Variants in ABHD12B observed in about 807,000 individuals in gnomAD.
ABHD12B encodes the protein protein ABHD12B.
In ABHD12B, 42 loss-of-function variants were observed where a neutral mutation model predicts 50.4. That is an observed-to-expected ratio of 0.83 (90% confidence interval 0.65 to 1.08). The LOEUF is 1.08. Among genes scored for constraint, ABHD12B ranks in the 50% least tolerant of loss-of-function variants. The pLI is 0.00. For synonymous variants in ABHD12B, 167 were observed against 160.3 expected (o/e 1.04, Z -0.32); for missense variants, 479 against 447.7 (o/e 1.07, Z -0.63).
chr14:50,874,486 G>A (rs1327633006), intron 1 of ABHD12B, among the ~76,000 whole-genome samples: 1 of 152,104 alleles, frequency 6.6e-6, no homozygotes, highest in African/African-American at 2.4e-5. Flanking sequence ...CGTAGTCCCA[G>A]CTACTCCGGA....
chr14:50,904,106 CAA>C lies in ABHD12B; in HGVS notation c.977_978del (p.Lys326ArgfsTer19). 6.2e-7 allele frequency: 1 copy of C among 1,614,090 alleles called. No individual in the cohort carries two copies. Reference protein sequence around the residue: ...YEIARNAYRNKERVKMVIFPP... With the variant: ...YEIARNAYRNXERVKMVIFPP... ...AAATTGCACGCAATGCATACAGGAA[CAA>C]AGAGAGGGTCAAGATGGTTATCTTT... On this transcript the variant is annotated frameshift_variant, in exon 12 of 13. Coordinates refer to ENST00000337334, the MANE Select transcript of ABHD12B (RefSeq NM_001206673.2). LOFTEE classifies it high-confidence loss of function.
At chr14:50,874,494 G>A (rs753157931) in intron 1 of ABHD12B, among the ~76,000 whole-genome samples, 5 of 152,106 alleles carry the variant, frequency 3.3e-5, no homozygotes, top group African/African-American at 4.8e-5. Context: ...CAGCTACTCC[G>A]GAGGCTGAGG....
At chr14:50,902,234 G>A (rs891428902) in intron 10 of ABHD12B, among the ~76,000 whole-genome samples, 15 of 152,078 alleles carry the variant, frequency 9.9e-5, no homozygotes, top group African/African-American at 3.6e-4. Context: ...TATAATCCTA[G>A]CACTTTGGGA....
intron 9 of ABHD12B, among the ~76,000 whole-genome samples, chr14:50,896,556 A>G (rs1211257127): frequency 1.1e-4 from 16 of 148,958 alleles, no homozygotes; most frequent in African/African-American, 3.6e-4. Flanking sequence ...CCCCACCTTA[A>G]CTGAGTGATT....
chr14:50,885,888 G>T lies in ABHD12B; in HGVS notation c.655G>T (p.Gly219Cys). The change falls in exon 7 of 13, where the codon GGT becomes TGT. Residue 219 changes from glycine to cysteine, a missense_variant. Transcript: ENST00000337334. ...CGTGTGTCTCTGGGGCCACTCTCTG[G>T]GTACAGGGTAAGTGAGATCTGCAAA... ...TPVCLWGHSL[G>C]TGVATNAAKV... 6.2e-7 allele frequency: 1 copy of T among 1,614,056 alleles called. No homozygotes were observed. The highest frequency in any genetic ancestry group is 8.5e-7 in the Non-Finnish European group (1 of 1,180,012).
At position 50,872,114 on chromosome 14, in the gene ABHD12B, G is replaced by T. The variant is rs1566480452; in HGVS notation, c.-61G>T. 8.6e-7 allele frequency: 1 copy of T among 1,165,836 alleles called. No individual in the cohort carries two copies. The highest frequency in any genetic ancestry group is 4.0e-5 in the South Asian group (1 of 25,312). 72.2% of individuals were successfully genotyped at this position (1,165,836 alleles called of 1,614,324 possible). ...GGTGCCGCCGGGGCGGGAAGGTCGC[G>T]GGCGGCTGCTCCGGACTGCAGCTCC... On this transcript the variant is annotated 5_prime_UTR_variant, in exon 1 of 13. Transcript: ENST00000337334.
At chr14:50,898,435 A>C (rs1343544941) in intron 9 of ABHD12B, among the ~76,000 whole-genome samples, 1 of 152,198 alleles carries the variant, frequency 6.6e-6, no homozygotes, top group African/African-American at 2.4e-5. Context: ...AAGCTTCGTA[A>C]CAGCAGATTT....
At chr14:50,873,243 A>G (rs1370187906) in intron 1 of ABHD12B, among the ~76,000 whole-genome samples, 1 of 151,208 alleles carries the variant, frequency 6.6e-6, no homozygotes, top group Non-Finnish European at 1.5e-5. Flanking sequence ...CTTTTTTGAG[A>G]CAAGGGTTTC....
At chr14:50,900,480 CAGAT>C (rs1373352402) in intron 9 of ABHD12B, among the ~76,000 whole-genome samples, 1 of 152,130 alleles carries the variant, frequency 6.6e-6, no homozygotes, top group East Asian at 1.9e-4. Flanking sequence ...GATGGAGAAA[CAGAT>C]AGAAGATAAA....
At chr14:50,883,885 A>G (rs2049995235) in intron 5 of ABHD12B, among the ~76,000 whole-genome samples, 1 of 152,236 alleles carries the variant, frequency 6.6e-6, no homozygotes, top group Non-Finnish European at 1.5e-5. Flanking sequence ...ACAGACTAAT[A>G]CAGCTATTTT....
chr14:50,885,593 A>C, intron 5 of ABHD12B, 21 bp from the exon 6 acceptor site: 1 of 1,614,064 alleles, frequency 6.2e-7, no homozygotes, highest in Non-Finnish European at 8.5e-7. Context: ...TTAAAGTGAT[A>C]ACAGCTCCTT....
intron 8 of ABHD12B, among the ~76,000 whole-genome samples, chr14:50,888,063 A>G (rs545968428): frequency 2.0e-5 from 3 of 152,316 alleles, no homozygotes; most frequent in Non-Finnish European, 4.4e-5. Flanking sequence ...ACATATATGT[A>G]TACATACCTT....
At position 50,904,820 on chromosome 14, in the gene ABHD12B, C is replaced by G. The variant is rs772303357; in HGVS notation, c.*454C>G. The G allele has an allele frequency of 2.2e-4, 51 of 233,238 alleles. No individual in the cohort carries two copies. The highest frequency in any genetic ancestry group is 1.4e-3 in the South Asian group (22 of 15,564). 14.4% of individuals were successfully genotyped at this position (233,238 alleles called of 1,614,324 possible). A position where few individuals can be genotyped will look rare whatever the true frequency, so the allele number is the denominator to read the frequency against. On this transcript the variant is annotated 3_prime_UTR_variant, in exon 13 of 13. Transcript: ENST00000337334. ...ATAAATTATGACCAAAAGAGCTCTT[C>G]ACTCCTCCTACCATTTGAGGATACA...
At chr14:50,902,081 A>C (rs987648585) in intron 10 of ABHD12B, among the ~76,000 whole-genome samples, 170 bp downstream of exon 10, 1 of 152,198 alleles carries the variant, frequency 6.6e-6, no homozygotes, top group Non-Finnish European at 1.5e-5. Flanking sequence ...TAAAGTATCT[A>C]TGAATTTTTA....
At chr14:50,901,739 C>G in intron 9 of ABHD12B, 90 bp from the exon 10 acceptor site, 1 of 742,490 alleles carries the variant, frequency 1.3e-6, no homozygotes, top group Non-Finnish European at 2.0e-6. Context: ...GCACTACTCT[C>G]TGTGTTACCC....
rs139723546 is a variant in ABHD12B at position 50,885,613 on chromosome 14, G to C, written c.487-1G>C. 24 of 1,614,048 alleles carry C rather than the reference G, an allele frequency of 1.5e-5. No homozygotes were observed. Among genetic ancestry groups the C allele is most frequent in the Non-Finnish European group, 1.9e-5 (23 of 1,180,024 alleles). On this transcript the variant is annotated splice_acceptor_variant, in intron 5 of 12. Coordinates refer to ENST00000337334, the MANE Select transcript of ABHD12B (RefSeq NM_001206673.2). LOFTEE classifies it high-confidence loss of function. ...GTGATAACAGCTCCTTTGTTACCTA[G>C]GTGCTGAGTGATGGTGGCTTTCATG...
rs567399350 is a variant in ABHD12B at position 50,890,949 on chromosome 14, C to A, written c.780+2046C>A. ...CAATCCTGTATGAGAGCTCCAGTTG[C>A]TTCAAATCCTTGCCCTCATATTGAT... On this transcript the variant is annotated intron_variant, in intron 9 of 12. Coordinates refer to ENST00000337334, the MANE Select transcript of ABHD12B (RefSeq NM_001206673.2). 1.1e-4 allele frequency: 17 copies of A among 152,260 alleles called. No individual in the cohort carries two copies. The East Asian group carries it at 2.5e-3, about 22-fold the overall frequency. The allele number at this position is 152,260 out of a possible 1,614,324, so 9.4% of individuals were successfully genotyped here. A position where few individuals can be genotyped will look rare whatever the true frequency, so the allele number is the denominator to read the frequency against.
intron 9 of ABHD12B, among the ~76,000 whole-genome samples, chr14:50,899,086 G>A (rs1466912467): frequency 1.3e-5 from 2 of 152,184 alleles, no homozygotes; most frequent in Non-Finnish European, 1.5e-5. Flanking sequence ...CCAGCTACTC[G>A]GGAGGTTGAG....
rs556650666 is a variant in ABHD12B at position 50,894,183 on chromosome 14, C to T, written c.780+5280C>T. Reference sequence around the variant, plus strand: ...ACCCCTCAACCCCTTCTCCTTCATCCTTAGTGGCAAGTCCCGCTTTCCTGG... The same window carrying T: ...ACCCCTCAACCCCTTCTCCTTCATCTTTAGTGGCAAGTCCCGCTTTCCTGG... On this transcript the variant is annotated intron_variant, in intron 9 of 12. Transcript: ENST00000337334. 1.7e-3 allele frequency among the ~76,000 whole-genome samples: 241 copies of T among 138,606 alleles called. 2 individuals carry two copies. The highest frequency in any genetic ancestry group is 7.8e-3 in the African/African-American group (227 of 29,206). 90.9% of individuals were successfully genotyped at this position (138,606 alleles called of 152,430 possible).
Sources: gnomAD v4.1 joint callset for allele counts (sites outside exome capture counted in the v4.1 genomes callset) on GRCh38, gnomAD v4.1.1 for gene constraint, MANE v1.5 for transcripts, NCBI Gene and HGNC (gene_info 2026-07-23, HGNC 2026-07-21) for gene names.